The following PARD3B variants were observed in gnomAD, a reference collection of about 807,000 sequenced individuals.
PARD3B encodes partitioning defective 3 homolog B.
PARD3B carries 103 observed loss-of-function variants against 130.2 expected under a neutral mutation model. The ratio of observed to expected loss-of-function variants is 0.79; its 90% CI spans 0.67 to 0.93. PARD3B has a LOEUF of 0.93. PARD3B is among the 40% of genes least tolerant of loss of function. The pLI, the probability that PARD3B is intolerant of heterozygous loss-of-function variation, is 0.00. For synonymous variants in PARD3B, 583 were observed against 553.2 expected, an observed-to-expected ratio of 1.05 and a Z score of -0.76; for missense variants, 1,609 against 1,499.2, an observed-to-expected ratio of 1.07 and a Z score of -1.21.
At position 205,617,709 on chromosome 2, in the gene PARD3B, T is replaced by C. The variant is rs1186341745; in HGVS notation, c.*1896T>C. ...AGTGGTTGAGGATCTCAGGCCCTGC[T>C]CACGTGAGGTGGAGTGCAGGGGAGC... On this transcript the variant is annotated 3_prime_UTR_variant, in exon 23 of 23. Transcript: ENST00000406610. 1 of 152,216 alleles carries C rather than the reference T, an allele frequency of 6.6e-6. No individual in the cohort carries two copies. The highest frequency in any genetic ancestry group is 2.4e-5 in the African/African-American group (1 of 41,458). The allele number at this position is 152,216 out of a possible 1,614,324, so 9.4% of individuals were successfully genotyped here.
In PARD3B at chr2:205,268,433, C is replaced by T. The variant is rs1309690198; in HGVS notation, c.2185+22611C>T. Among the ~76,000 whole-genome samples the T allele has an allele frequency of 4.6e-5, 7 of 152,128 alleles. No individual in the cohort carries two copies. Among genetic ancestry groups the T allele is most frequent in the African/African-American group, 1.7e-4 (7 of 41,430 alleles). ...AGAGGTTTGAGGTAAAAGATCGTGG[C>T]AGAAGCCAGTATTGATTCACATTAC... is the stretch of plus-strand genomic sequence containing the variant. On this transcript the variant is annotated intron_variant, in intron 16 of 22. Transcript: ENST00000406610. The surrounding 1 kb of genome is among the most constrained non-coding windows in gnomAD (Gnocchi z 4.1).
At chr2:205,043,927 G>C (rs1698562631) in intron 3 of PARD3B, among the ~76,000 whole-genome samples, 1 of 150,856 alleles carries the variant, frequency 6.6e-6, no homozygotes, top group Non-Finnish European at 1.5e-5. Context: ...TCTAGCATTA[G>C]GTATATCTCC....
At chr2:205,306,773 G>A (rs2042197724) in intron 18 of PARD3B, among the ~76,000 whole-genome samples, 1 of 152,170 alleles carries the variant, frequency 6.6e-6, no homozygotes, top group South Asian at 2.1e-4. Flanking sequence ...GAGTTTGTGA[G>A]CATATTGGAG....
chr2:205,540,421 G>T (rs2052072408), intron 21 of PARD3B, among the ~76,000 whole-genome samples: 1 of 151,836 alleles, frequency 6.6e-6, no homozygotes, highest in South Asian at 2.1e-4. Context: ...ACATTTTTTG[G>T]TGGCAAAATT....
intron 4 of PARD3B, among the ~76,000 whole-genome samples, chr2:205,087,568 TA>T (rs998424622): frequency 1.1e-4 from 16 of 152,192 alleles, no homozygotes; most frequent in African/African-American, 3.6e-4. Flanking sequence ...CTACATTTTA[TA>T]AAACCTGTTT....
chr2:205,499,297 A>G (rs943198800), intron 20 of PARD3B, among the ~76,000 whole-genome samples: 2 of 148,678 alleles, frequency 1.3e-5, no homozygotes, highest in African/African-American at 5.0e-5. Flanking sequence ...GTTCTACTCT[A>G]CACCAGCTTC....
chr2:205,163,747 A>AC (rs901625012), intron 11 of PARD3B, among the ~76,000 whole-genome samples: 1 of 152,028 alleles, frequency 6.6e-6, no homozygotes, highest in African/African-American at 2.4e-5. Context: ...ACTAATTTCC[A>AC]CCCCCATCTC....
chr2:204,748,402 A>G (rs1260636719), intron 2 of PARD3B, among the ~76,000 whole-genome samples: 3 of 152,152 alleles, frequency 2.0e-5, no homozygotes, highest in African/African-American at 7.2e-5. Flanking sequence ...CAGATGTCCT[A>G]GTGTAATGTC....
Position 205,550,581 on chromosome 2 carries a change from A to C in PARD3B, c.3181-2743A>C, listed in dbSNP as rs2052572882. ...CCAGGCCTCACCTGTGCTACTGCTG[A>C]TAACATCCTGAATGGCACTTGAAAA... On this transcript the variant is annotated intron_variant, in intron 21 of 22. Transcript: ENST00000406610. This position sits in a 1 kb window ranked among gnomAD's most constrained non-coding sequence, Gnocchi z 4.5. Among the ~76,000 whole-genome samples the C allele has an allele frequency of 6.6e-6, 1 of 152,164 alleles. No individual in the cohort carries two copies.
At chr2:204,624,608 AGTTT>A (rs1253614714) in intron 1 of PARD3B, among the ~76,000 whole-genome samples, 1 of 152,152 alleles carries the variant, frequency 6.6e-6, no homozygotes, top group African/African-American at 2.4e-5. Context: ...GATATACTCT[AGTTT>A]GTTTAACCAT....
rs79025223 is a variant in PARD3B, at chr2:204,550,030, A to G, written c.120+3911A>G. On this transcript the variant is annotated intron_variant, in intron 1 of 22. Coordinates refer to ENST00000406610, the MANE Select transcript of PARD3B (RefSeq NM_001302769.2). Reference sequence around the variant, plus strand: ...CTCCTACCCTTAAAGAATTCTTCCTATAGAAGGTGCTCAAATAATTGCTTA... The same window carrying G: ...CTCCTACCCTTAAAGAATTCTTCCTGTAGAAGGTGCTCAAATAATTGCTTA... Among the ~76,000 whole-genome samples, 15 of 152,248 alleles carry G rather than the reference A, an allele frequency of 9.9e-5. 1 individual carries two copies. In the East Asian group the frequency reaches 2.1e-3, roughly 22 times the overall value.
chr2:204,876,180 G>T (rs552407348), intron 2 of PARD3B, among the ~76,000 whole-genome samples: 1 of 152,242 alleles, frequency 6.6e-6, no homozygotes, highest in East Asian at 1.9e-4. Context: ...AGGACATACT[G>T]TATTCAGTAC....
intron 1 of PARD3B, among the ~76,000 whole-genome samples, chr2:204,589,582 A>T (rs2032987463): frequency 6.6e-6 from 1 of 151,646 alleles, no homozygotes; most frequent in Non-Finnish European, 1.5e-5. Flanking sequence ...TAGAAGACCA[A>T]ATATAGCTAT....
At chr2:205,254,088 T>TAAAA (rs11287171) in intron 16 of PARD3B, among the ~76,000 whole-genome samples, 11 of 75,956 alleles carry the variant, frequency 1.4e-4, no homozygotes, top group Non-Finnish European at 2.4e-4. Context: ...GTAGAGAAAT[T>TAAAA]AAAAAAAAAA....
chr2:204,734,049 C>T (rs1233568039), intron 2 of PARD3B, among the ~76,000 whole-genome samples: 1 of 152,088 alleles, frequency 6.6e-6, no homozygotes, highest in Non-Finnish European at 1.5e-5. Flanking sequence ...TAGTGTCTAA[C>T]ATACACAGAT....
chr2:204,880,249 T>C (rs2045989116), intron 2 of PARD3B, among the ~76,000 whole-genome samples: 1 of 152,222 alleles, frequency 6.6e-6, no homozygotes, highest in African/African-American at 2.4e-5. Context: ...CCTATCTCTG[T>C]CTTTGACTAA....
chr2:205,136,501 G>A lies in PARD3B; in HGVS notation c.1434+10764G>A, dbSNP rs143120040. Among the ~76,000 whole-genome samples the A allele has an allele frequency of 3.7e-3, 569 of 152,252 alleles. 1 individual carries two copies. The highest frequency in any genetic ancestry group is 7.2e-3 in the Non-Finnish European group (487 of 68,022). On this transcript the variant is annotated intron_variant, in intron 10 of 22. Coordinates refer to ENST00000406610, the MANE Select transcript of PARD3B (RefSeq NM_001302769.2). ...ATGCATTCGTCCCATAAATATTGGAGCCTATGGTTCCCGGCTTATGGAAAT... is the reference window on the plus strand; with the variant it reads ...ATGCATTCGTCCCATAAATATTGGAACCTATGGTTCCCGGCTTATGGAAAT...
chr2:204,917,743 C>T (rs1021140611), intron 2 of PARD3B, among the ~76,000 whole-genome samples: 1 of 152,064 alleles, frequency 6.6e-6, no homozygotes, highest in African/African-American at 2.4e-5. Flanking sequence ...TCCTTTTATT[C>T]AGAGCATTTC....
intron 2 of PARD3B, among the ~76,000 whole-genome samples, chr2:204,909,851 C>T (rs2047171159): frequency 6.6e-6 from 1 of 152,118 alleles, no homozygotes; most frequent in Non-Finnish European, 1.5e-5. Flanking sequence ...ACAATATTTC[C>T]TTTATTGCTA....
Sources: allele counts gnomAD v4.1 joint callset (sites outside exome capture counted in the v4.1 genomes callset), GRCh38; gene constraint gnomAD v4.1.1; non-coding constraint Gnocchi (gnomAD v3.1); transcripts MANE v1.5; gene names NCBI Gene and HGNC (gene_info 2026-07-23, HGNC 2026-07-21).